The following NXF1 variants were observed in gnomAD, a reference collection of about 807,000 sequenced individuals.
NXF1 encodes mRNA export factor TAP.
Under a neutral mutation model 92.4 loss-of-function variants are expected in NXF1, and 43 were observed. The ratio of observed to expected loss-of-function variants is 0.47; its 90% CI spans 0.36 to 0.60. The LOEUF (loss-of-function observed/expected upper bound fraction) is 0.60, where lower values mean the gene tolerates loss of function less well. Among genes scored for constraint, NXF1 ranks in the 20% least tolerant of loss-of-function variants. The pLI, the probability that NXF1 is intolerant of heterozygous loss-of-function variation, is 0.00. For missense variants in NXF1, 576 were observed against 793.0 expected (o/e 0.73, Z 3.29); for synonymous variants, 288 against 292.2 (o/e 0.99, Z 0.15).
At chr11:62,799,889 CT>C in intron 10 of NXF1, 1 of 987,434 alleles carries the variant, frequency 1.0e-6, no homozygotes, top group Non-Finnish European at 1.2e-6. Context: ...CAAGTGGATC[CT>C]GAGAAAAGGG....
Position 62,801,960 on chromosome 11 carries a change from C to CA in NXF1, c.539dup (p.Leu180PhefsTer24). Reference sequence around the variant, plus strand: ...AACACACCCTTCGGTTCTCCCGATCCAAAATCTTATAGTTGACAGCCTTCA... The same window carrying CA: ...AACACACCCTTCGGTTCTCCCGATCCAAAAATCTTATAGTTGACAGCCTTCA... On this transcript the variant is annotated frameshift_variant, in exon 5 of 21. Coordinates refer to ENST00000294172, the MANE Select transcript of NXF1 (RefSeq NM_006362.5). 6.2e-7 allele frequency: 1 copy of CA among 1,614,230 alleles called. No homozygotes were observed. The highest frequency in any genetic ancestry group is 8.5e-7 in the Non-Finnish European group (1 of 1,180,032).
chr11:62,799,443 G>C, intron 10 of NXF1: 1 of 985,748 alleles, frequency 1.0e-6, no homozygotes, highest in Non-Finnish European at 1.2e-6. Flanking sequence ...GAGGGTTCAG[G>C]CCCCTGTAGG....
rs550551027 is a variant in NXF1 at position 62,805,425 on chromosome 11, C to T, written c.-69G>A. 6 of 1,602,112 alleles carry T rather than the reference C, an allele frequency of 3.7e-6. No individual in the cohort carries two copies. The highest frequency in any genetic ancestry group is 5.1e-6 in the Non-Finnish European group (6 of 1,174,350). ...GCCGGCAAACAACCTAACTCCCAAG[C>T]GCTCAGGACCGAAGTGTCCCTACGC... On this transcript the variant is annotated 5_prime_UTR_variant, in exon 1 of 21. Transcript: ENST00000294172.
intron 10 of NXF1, chr11:62,799,441 A>G: frequency 1.0e-6 from 1 of 985,750 alleles, no homozygotes; most frequent in Non-Finnish European, 1.2e-6. Flanking sequence ...GTGAGGGTTC[A>G]GGCCCCTGTA....
intron 19 of NXF1, among the ~76,000 whole-genome samples, chr11:62,793,505 C>T (rs2134755565): frequency 6.6e-6 from 1 of 152,200 alleles, no homozygotes; most frequent in South Asian, 2.1e-4. Context: ...GAAACCCCAT[C>T]TCTGCAAAGA....
In NXF1 at chr11:62,796,123, C is replaced by G. The variant is rs1208681994; in HGVS notation, c.1404G>C (p.Glu468Asp). 6.2e-7 allele frequency: 1 copy of G among 1,613,952 alleles called. No homozygotes were observed. The highest frequency in any genetic ancestry group is 2.2e-5 in the East Asian group (1 of 44,870). ...TRLNVVAFLN[E>D]LPKTQHDVNS... ...TGACGTCGTGCTGGGTTTTGGGCAA[C>G]TCATTGAGGAAGGCAACAACGTTGA... The change falls in exon 16 of 21, where the codon GAG (glutamate) becomes GAC (aspartate). Residue 468 changes from glutamate to aspartate, a missense_variant. Transcript: ENST00000294172.
chr11:62,805,433 A>C lies in NXF1; in HGVS notation c.-77T>G, dbSNP rs370858949. ...ACAACCTAACTCCCAAGCGCTCAGG[A>C]CCGAAGTGTCCCTACGCCGGGCGCC... On this transcript the variant is annotated 5_prime_UTR_variant, in exon 1 of 21. Coordinates refer to ENST00000294172, the MANE Select transcript of NXF1 (RefSeq NM_006362.5). 2.3e-5 allele frequency: 37 copies of C among 1,596,706 alleles called. No homozygotes were observed. The Middle Eastern group carries it at 5.0e-4, about 21-fold the overall frequency.
At chr11:62,800,322 T>C in intron 10 of NXF1, 55 bp downstream of exon 10, 1 of 1,612,434 alleles carries the variant, frequency 6.2e-7, no homozygotes, top group Non-Finnish European at 8.5e-7. Context: ...ATGCATTAGC[T>C]CAGCCTCCCA....
rs775359481 is a variant in NXF1 at position 62,798,579 on chromosome 11, T to C, written c.1017-4A>G. 2.5e-6 allele frequency: 4 copies of C among 1,613,944 alleles called. No homozygotes were observed. The East Asian group carries it at 8.9e-5, about 36-fold the overall frequency. The stretch of plus-strand genomic sequence containing the variant: ...GGGAAATCGTTCGCGAATGGCGCTG[T>C]CAAGAACGGGACAGAAGTGAGTGAT... On this transcript the variant is annotated splice_polypyrimidine_tract_variant and splice_region_variant and intron_variant, in intron 10 of 20. Transcript: ENST00000294172.
At chr11:62,795,750 T>C in intron 17 of NXF1, 151 bp downstream of exon 17, 1 of 738,918 alleles carries the variant, frequency 1.4e-6, no homozygotes, top group South Asian at 1.6e-5. Flanking sequence ...GGTGGAGAGG[T>C]AGGCCAAGCC....
chr11:62,792,512 G>A lies in NXF1; in HGVS notation c.1824C>T (p.Ala608=). The A allele has an allele frequency of 1.2e-6, 2 of 1,614,188 alleles. No individual in the cohort carries two copies. Among genetic ancestry groups the A allele is most frequent in the East Asian group, 2.2e-5 (1 of 44,888 alleles). ...RSAQAFTHLK[A]KGEIPEVAFM... is the part of the protein sequence containing the mutation. ...ATGCCACTTCTGGGATCTCGCCCTT[G>A]GCCTGGAGAAAAATGAAGGTCAGTA... Residue 608 remains alanine (A), a splice_region_variant and synonymous_variant, in exon 21 of 21, where the codon GCC becomes GCT. Coordinates refer to ENST00000294172, the MANE Select transcript of NXF1 (RefSeq NM_006362.5).
chr11:62,795,781 T>C, intron 17 of NXF1, 120 bp downstream of exon 17: 1 of 952,710 alleles, frequency 1.0e-6, no homozygotes. Context: ...GGGGGCAGAA[T>C]GGGAGAAGGA....
chr11:62,799,619 TGA>T, intron 10 of NXF1: 1 of 985,768 alleles, frequency 1.0e-6, no homozygotes, highest in South Asian at 4.7e-5. Context: ...GTGCAGTGTG[TGA>T]GTGAGGGAGA....
rs2084398843 is a variant in NXF1 at position 62,794,295 on chromosome 11, A to C, written c.1723T>G (p.Ser575Ala). ...PEQQEMLQAFSTQSGMNLEWS... is the reference protein window; with the variant it reads ...PEQQEMLQAFATQSGMNLEWS... ...TCGAGGTTCATGCCAGACTGGGTAG[A>C]GAATGCTTGCAACATTTCCTGCTGC... Residue 575 changes from serine (S) to alanine (A), a missense_variant, in exon 19 of 21, where the codon TCT becomes GCT. Ser to Ala is a moderately conservative substitution (Grantham distance 99). This residue lies in a region of NXF1 where 425 missense variants were observed against 635.2 expected (regional missense o/e 0.67). Transcript: ENST00000294172. 6.2e-7 allele frequency: 1 copy of C among 1,614,178 alleles called. No individual in the cohort carries two copies. Among genetic ancestry groups the C allele is most frequent in the East Asian group, 2.2e-5 (1 of 44,890 alleles).
intron 10 of NXF1, chr11:62,800,168 T>C (rs964017258): frequency 2.6e-5 from 37 of 1,399,988 alleles, no homozygotes; most frequent in African/African-American, 4.4e-5. Context: ...AGCAAACAGA[T>C]AGTCAAGTCA....
chr11:62,803,134 T>C (rs989179657), intron 3 of NXF1, among the ~76,000 whole-genome samples: 1 of 151,880 alleles, frequency 6.6e-6, no homozygotes, highest in Non-Finnish European at 1.5e-5. Context: ...GCCTGGCCAA[T>C]ACAGTGAAAC....
rs1408403820 is a variant in NXF1, at chr11:62,801,879, G to A, written c.559-60C>T. Reference sequence around the variant, plus strand: ...AGGGAAGCCTAAGCCGCAAGAACAAGACCCAGTCCCTGCTCTGAGCACCAA... The same window carrying A: ...AGGGAAGCCTAAGCCGCAAGAACAAAACCCAGTCCCTGCTCTGAGCACCAA... On this transcript the variant is annotated intron_variant, in intron 5 of 20. Transcript: ENST00000294172. The A allele has an allele frequency of 2.5e-6, 4 of 1,603,002 alleles. No individual in the cohort carries two copies. In the African/African-American group the frequency reaches 4.0e-5, roughly 16 times the overall value.
In NXF1 at chr11:62,796,154, G is replaced by C; in HGVS notation, c.1373C>G (p.Thr458Arg). 5.0e-6 allele frequency: 8 copies of C among 1,614,172 alleles called. No individual in the cohort carries two copies. The highest frequency in any genetic ancestry group is 5.9e-6 in the Non-Finnish European group (7 of 1,180,030). Residue 458 changes from threonine (T) to arginine (R), a missense_variant, in exon 16 of 21, where the codon ACG becomes AGG. This residue lies in a region of NXF1 where 425 missense variants were observed against 635.2 expected (regional missense o/e 0.67). Coordinates refer to ENST00000294172, the MANE Select transcript of NXF1 (RefSeq NM_006362.5). ...PTLRFRLLKH[T>R]RLNVVAFLNE... ...GAGGAAGGCAACAACGTTGAGACGC[G>C]TGTGCTTCAGCAGCCGGAACCGCAA...
chr11:62,805,105 C>T (rs1384386920), intron 1 of NXF1: 1 of 392,800 alleles, frequency 2.5e-6, no homozygotes, highest in African/African-American at 2.1e-5. Flanking sequence ...CACCCTACCC[C>T]CGAGCCATCC....
Sources: allele counts gnomAD v4.1 joint callset (sites outside exome capture counted in the v4.1 genomes callset), GRCh38; gene constraint gnomAD v4.1.1; regional missense constraint gnomAD v4.1.1; transcripts MANE v1.5; gene names NCBI Gene and HGNC (gene_info 2026-07-23, HGNC 2026-07-21).